The following POLN variants were observed in gnomAD, a reference collection of about 807,000 sequenced individuals.
The protein encoded by POLN is DNA polymerase N.
POLN carries 108 observed loss-of-function variants against 113.5 expected under a neutral mutation model. The ratio of observed to expected loss-of-function variants is 0.95; its 90% confidence interval spans 0.81 to 1.12. POLN has a LOEUF of 1.12. POLN is among the 50% of genes most tolerant of loss of function. POLN has a pLI of 0.00. For synonymous variants in POLN, 386 were observed against 391.5 expected, an observed-to-expected ratio of 0.99 and a Z score of 0.17; for missense variants, 1,097 against 1,077.1, an observed-to-expected ratio of 1.02 and a Z score of -0.26.
At chr4:2,089,052 G>C (rs1156924750) in intron 20 of POLN, 1 of 882,850 alleles carries the variant, frequency 1.1e-6, no homozygotes, top group Admixed American at 2.1e-5. Flanking sequence ...TTTGAACTTA[G>C]AACTTTAGTT....
At chr4:2,164,894 G>C (rs1188296465) in intron 13 of POLN, among the ~76,000 whole-genome samples, 3 of 122,702 alleles carry the variant, frequency 2.4e-5, no homozygotes, top group Non-Finnish European at 4.9e-5. Context: ...TGAAAATCCA[G>C]AACACCAACA....
At chr4:2,141,808 T>C (rs1732007941) in intron 16 of POLN, among the ~76,000 whole-genome samples, 1 of 152,312 alleles carries the variant, frequency 6.6e-6, no homozygotes, top group Admixed American at 6.5e-5. Flanking sequence ...CTCAGGCTCC[T>C]TGGAGAGCTC....
intron 16 of POLN, among the ~76,000 whole-genome samples, chr4:2,135,738 C>T (rs7442487): frequency 0.71 from 108,742 of 152,178 alleles, 43,838 homozygotes; most frequent in Non-Finnish European, 0.9. Flanking sequence ...TCACCCAGCA[C>T]ACTGGGGGTG....
chr4:2,215,590 C>T (rs1734094818), intron 3 of POLN, among the ~76,000 whole-genome samples: 1 of 152,080 alleles, frequency 6.6e-6, no homozygotes, highest in Admixed American at 6.6e-5. Context: ...AGGGGTGGGC[C>T]CTTGGGCAAA....
rs1457155260 is a variant in POLN at position 2,231,859 on chromosome 4, GTTTA to G, written c.-12-2620_-12-2617del. On this transcript the variant is annotated intron_variant, in intron 2 of 25. Transcript: ENST00000511885. ...CCTCAAATTTTAAAAATTTAGTAGT[GTTTA>G]TTATACACAGTCTTCTAATAAATAA... 3 of 704,666 alleles carry G rather than the reference GTTTA, an allele frequency of 4.3e-6. No homozygotes were observed. In the African/African-American group the frequency reaches 5.6e-5, roughly 13 times the overall value. The allele number at this position is 704,666 out of a possible 1,614,324, so 43.7% of individuals were successfully genotyped here.
chr4:2,174,776 C>T, intron 9 of POLN, 25 bp from the exon 10 acceptor site: 1 of 1,499,830 alleles, frequency 6.7e-7, no homozygotes, highest in Non-Finnish European at 9.2e-7. Context: ...GAAATAACAT[C>T]AACGTCAATT....
chr4:2,175,025 T>C (rs1161005282), intron 9 of POLN, among the ~76,000 whole-genome samples: 5 of 152,112 alleles, frequency 3.3e-5, no homozygotes, highest in African/African-American at 9.7e-5. Context: ...AGTTTCGCCA[T>C]GTAGGCCAGG....
intron 16 of POLN, among the ~76,000 whole-genome samples, chr4:2,151,458 TG>T (rs1732293957): frequency 6.6e-6 from 1 of 152,214 alleles, no homozygotes; most frequent in Non-Finnish European, 1.5e-5. Flanking sequence ...CTTGACTCTT[TG>T]GTATTTAACC....
At chr4:2,211,334 A>G (rs377755678) in intron 4 of POLN, among the ~76,000 whole-genome samples, 3 of 150,744 alleles carry the variant, frequency 2.0e-5, no homozygotes, top group East Asian at 3.9e-4. Flanking sequence ...CAAAGTGCAT[A>G]TTTAATTTTC....
Position 2,240,790 on chromosome 4 carries a change from A to C in POLN, c.-13+730T>G, listed in dbSNP as rs113667346. Reference sequence around the variant, plus strand: ...AAAGCTTCCAATTCTCTTTCAGACAACACGTTCTGTTCATTCACATTCCCA... The same window carrying C: ...AAAGCTTCCAATTCTCTTTCAGACACCACGTTCTGTTCATTCACATTCCCA... On this transcript the variant is annotated intron_variant, in intron 2 of 25. Transcript: ENST00000511885. 17 of 1,613,940 alleles carry C rather than the reference A, an allele frequency of 1.1e-5. No homozygotes were observed. The African/African-American group carries it at 1.5e-4, about 14-fold the overall frequency.
chr4:2,099,460 C>T (rs546719558), intron 19 of POLN, among the ~76,000 whole-genome samples: 7 of 152,356 alleles, frequency 4.6e-5, no homozygotes, highest in East Asian at 1.9e-4. Flanking sequence ...AGAAAAACAT[C>T]GGACAAACAC....
At chr4:2,097,445 G>A (rs1730822066) in intron 19 of POLN, among the ~76,000 whole-genome samples, 1 of 151,794 alleles carries the variant, frequency 6.6e-6, no homozygotes, top group African/African-American at 2.4e-5. Context: ...CTGCCTTTTG[G>A]GGTCAAGTGA....
In POLN at chr4:2,117,134, C is replaced by T. The variant is rs35922872; in HGVS notation, c.1982+10979G>A. 4.2e-3 allele frequency among the ~76,000 whole-genome samples: 637 copies of T among 152,290 alleles called. 2 individuals carry two copies. The highest frequency in any genetic ancestry group is 0.01 in the Middle Eastern group (3 of 294). On this transcript the variant is annotated intron_variant, in intron 19 of 25. Coordinates refer to ENST00000511885, the MANE Select transcript of POLN (RefSeq NM_181808.4). ...CTGTGATTCGGGATTGTGGCCCAGA[C>T]TACATCTGGGTCACTGGTGGTTGTC...
rs748539892 is a variant in POLN at position 2,198,543 on chromosome 4, C to T, written c.889G>A (p.Ala297Thr). ...HSAIWDQEQE[A>T]HQQFARNVLF... ...TCTTACCGGGCAAATTGTTGATGTG[C>T]CTCCTGTTCTTGGTCCCAGATAGCA... is the stretch of plus-strand genomic sequence containing the variant. Residue 297 changes from alanine (A) to threonine (T), a missense_variant, in exon 6 of 26, where the codon GCA becomes ACA. Transcript: ENST00000511885. The T allele has an allele frequency of 2.5e-6, 4 of 1,609,974 alleles. No individual in the cohort carries two copies. The highest frequency in any genetic ancestry group is 2.5e-6 in the Non-Finnish European group (3 of 1,178,036).
intron 16 of POLN, among the ~76,000 whole-genome samples, chr4:2,151,940 T>A (rs948766014): frequency 6.6e-6 from 1 of 152,164 alleles, no homozygotes; most frequent in Non-Finnish European, 1.5e-5. Flanking sequence ...AGCAATAACT[T>A]TCTCTTAGGA....
At chr4:2,194,023 G>A (rs10005657) in intron 6 of POLN, among the ~76,000 whole-genome samples, 37,877 of 152,068 alleles carry the variant, frequency 0.25, 7,332 homozygotes, top group African/African-American at 0.52. Context: ...TACTTACCAT[G>A]TGCCAGATAC....
chr4:2,156,950 C>G (rs547193000), intron 15 of POLN, 97 bp from the exon 16 acceptor site: 1 of 1,005,596 alleles, frequency 9.9e-7, no homozygotes, highest in Non-Finnish European at 1.6e-6. Flanking sequence ...ACACTCGCTG[C>G]TCCTCCAGAG....
intron 19 of POLN, among the ~76,000 whole-genome samples, chr4:2,115,896 G>T (rs1054798053): frequency 2.0e-5 from 3 of 152,174 alleles, no homozygotes; most frequent in African/African-American, 7.2e-5. Context: ...ACAATTTCAG[G>T]ATTTCTTGGA....
At chr4:2,158,265 A>T (rs1180427542) in intron 14 of POLN, among the ~76,000 whole-genome samples, 1 of 152,194 alleles carries the variant, frequency 6.6e-6, no homozygotes, top group East Asian at 1.9e-4. Flanking sequence ...GTCTTTAAAC[A>T]GGAATAGTGT....
Sources: gnomAD v4.1 joint callset for allele counts (sites outside exome capture counted in the v4.1 genomes callset) on GRCh38, gnomAD v4.1.1 for gene constraint, MANE v1.5 for transcripts, NCBI Gene and HGNC (gene_info 2026-07-23, HGNC 2026-07-21) for gene names.